Variants in NOMO1 observed in about 807,000 individuals in gnomAD.
The protein encoded by NOMO1 is NODAL modulator 1.
A neutral mutation model predicts 133.8 loss-of-function variants in NOMO1; 40 were observed. The ratio of observed to expected loss-of-function variants is 0.30; its 90% CI spans 0.23 to 0.39. NOMO1 has a LOEUF of 0.39. Among genes scored for constraint, NOMO1 ranks in the 10% least tolerant of loss-of-function variants. The pLI is 1.00. For synonymous variants in NOMO1, 236 were observed against 570.5 expected (o/e 0.41, Z 8.36); for missense variants, 462 against 1,419.9 (o/e 0.33, Z 10.84).
intron 23 of NOMO1, 78 bp downstream of exon 23, chr16:14,878,912 T>C: frequency 6.3e-7 from 1 of 1,590,056 alleles, no homozygotes; most frequent in Non-Finnish European, 8.6e-7. Context: ...ACTTACGTGT[T>C]GCTTGACAAC....
chr16:14,850,909 G>A (rs1417727005), intron 6 of NOMO1, among the ~76,000 whole-genome samples: 3 of 150,930 alleles, frequency 2.0e-5, no homozygotes, highest in Admixed American at 6.6e-5. Flanking sequence ...TGGTGAAACC[G>A]CATCTCTACT....
At chr16:14,874,112 CT>C (rs1597108181) in intron 18 of NOMO1, among the ~76,000 whole-genome samples, 3 of 148,744 alleles carry the variant, frequency 2.0e-5, no homozygotes, top group East Asian at 4.0e-4. Context: ...TCTGACCCCC[CT>C]CTGGGGTCAC....
chr16:14,864,538 A>G lies in NOMO1; in HGVS notation c.1396-47A>G, dbSNP rs1963963456. On this transcript the variant is annotated intron_variant, in intron 12 of 30. Coordinates refer to ENST00000287667, the MANE Select transcript of NOMO1 (RefSeq NM_014287.4). ...TCTAGCGCCCTGTAGGTCAGGGGGA[A>G]GATCTCCCCGAATGCAGCCTCTAAC... 17 of 1,611,808 alleles carry G rather than the reference A, an allele frequency of 1.1e-5. 1 individual carries two copies. Among genetic ancestry groups the G allele is most frequent in the Non-Finnish European group, 1.4e-5 (17 of 1,178,710 alleles).
chr16:14,866,672 T>C lies in NOMO1; in HGVS notation c.1787T>C (p.Leu596Pro). 6.2e-7 allele frequency: 1 copy of C among 1,610,198 alleles called. No individual in the cohort carries two copies. Among genetic ancestry groups the C allele is most frequent in the Non-Finnish European group, 8.5e-7 (1 of 1,179,718 alleles). Residue 596 changes from leucine (L) to proline (P), a missense_variant, in exon 15 of 31, where the codon CTG becomes CCG. Transcript: ENST00000287667. ...RQTGYMLRCS[L>P]SHAITLEFYQ... ...ACGGGCTACATGCTGAGATGTTCCC[T>C]GTCTCACGCCATCACTCTGGTATGT...
rs1246080800 is a variant in NOMO1, at chr16:14,866,465, T to C, written c.1670-90T>C. 1.9e-5 allele frequency: 31 copies of C among 1,607,758 alleles called. 1 individual carries two copies. Among genetic ancestry groups the C allele is most frequent in the Non-Finnish European group, 2.4e-5 (28 of 1,178,404 alleles). ...TACATACACACCTGCTTTTTAAAATTGATTAATTCATGATCATTGTTTCTG... is the reference window on the plus strand; with the variant it reads ...TACATACACACCTGCTTTTTAAAATCGATTAATTCATGATCATTGTTTCTG... On this transcript the variant is annotated intron_variant, in intron 14 of 30. Transcript: ENST00000287667.
At position 14,880,042 on chromosome 16, in the gene NOMO1, A is replaced by G; in HGVS notation, c.2785A>G (p.Met929Val). Residue 929 changes from methionine (M) to valine (V), a missense_variant, in exon 24 of 31, where the codon ATG (methionine) becomes GTG (valine). Met to Val is a conservative substitution (Grantham distance 21, BLOSUM62 1). Transcript: ENST00000287667. ...LSPGQYYFKP[M>V]MKEFRFEPSS... The stretch of plus-strand genomic sequence containing the variant: ...CCCTGGCCAGTATTACTTCAAACCC[A>G]TGATGAAGGAGTTCCGGTTTGAGCC... 1 of 1,611,334 alleles carries G rather than the reference A, an allele frequency of 6.2e-7. No homozygotes were observed. The highest frequency in any genetic ancestry group is 8.5e-7 in the Non-Finnish European group (1 of 1,179,774).
rs1673734782 is a variant in NOMO1, at chr16:14,890,722, AGG to A, written c.3444+1510_3444+1511del. Among the ~76,000 whole-genome samples the A allele has an allele frequency of 3.5e-5, 2 of 56,450 alleles. 1 individual carries two copies. The highest frequency in any genetic ancestry group is 8.0e-5 in the African/African-American group (2 of 25,090). The allele number at this position is 56,450 out of a possible 152,430, so 37.0% of individuals were successfully genotyped here. On this transcript the variant is annotated intron_variant, in intron 29 of 30. Coordinates refer to ENST00000287667, the MANE Select transcript of NOMO1 (RefSeq NM_014287.4). Reference sequence around the variant, plus strand: ...CTAGCTGTGTCCCCACAAGGCGGAAAGGGGCAAACAAGTTCCCTCAGGCCACT... The same window carrying A: ...CTAGCTGTGTCCCCACAAGGCGGAAAGGCAAACAAGTTCCCTCAGGCCACT...
At chr16:14,889,403 G>A (rs1372214068) in intron 29 of NOMO1, among the ~76,000 whole-genome samples, 188 bp downstream of exon 29, 1 of 151,988 alleles carries the variant, frequency 6.6e-6, no homozygotes, top group African/African-American at 2.4e-5. Flanking sequence ...GTGGTGGAAC[G>A]CACCTATAGT....
intron 2 of NOMO1, among the ~76,000 whole-genome samples, chr16:14,839,719 TAGCATAGATAG>T (rs2151892006): frequency 6.6e-6 from 1 of 151,676 alleles, no homozygotes; most frequent in East Asian, 1.9e-4. Flanking sequence ...CTTTCAACAT[TAGCATAGATAG>T]ATCTACTGAC....
chr16:14,845,708 G>A (rs973376100), intron 4 of NOMO1, among the ~76,000 whole-genome samples: 55 of 151,892 alleles, frequency 3.6e-4, no homozygotes, highest in Non-Finnish European at 6.5e-4. Flanking sequence ...TTGCGGTGAC[G>A]GGGAGGCCCT....
intron 27 of NOMO1, 89 bp downstream of exon 27, chr16:14,884,571 T>C: frequency 1.3e-6 from 2 of 1,596,174 alleles, no homozygotes; most frequent in East Asian, 2.2e-5. Context: ...TGTGCCTGTC[T>C]CGTGCCTTAG....
intron 23 of NOMO1, 136 bp from the exon 24 acceptor site, chr16:14,879,879 G>A: frequency 6.4e-7 from 1 of 1,573,880 alleles, no homozygotes. Flanking sequence ...ATTATAGAGA[G>A]AGGGTTACTA....
rs528026406 is a variant in NOMO1 at position 14,862,963 on chromosome 16, C to A, written c.1221-50C>A. On this transcript the variant is annotated intron_variant, in intron 11 of 30. Transcript: ENST00000287667. Reference sequence around the variant, plus strand: ...TCTTTTTTGGTCTATAAGAGCCTTTCCTGTTATAATTGAGTCCTCGTGCTG... The same window carrying A: ...TCTTTTTTGGTCTATAAGAGCCTTTACTGTTATAATTGAGTCCTCGTGCTG... 52 of 1,610,064 alleles carry A rather than the reference C, an allele frequency of 3.2e-5. 1 individual carries two copies. In the South Asian group the frequency reaches 5.5e-4, roughly 17 times the overall value.
rs760368024 is a variant in NOMO1, at chr16:14,864,637, C to G, written c.1448C>G (p.Thr483Arg). The G allele has an allele frequency of 1.2e-6, 2 of 1,613,206 alleles. No homozygotes were observed. The highest frequency in any genetic ancestry group is 2.2e-5 in the South Asian group (2 of 91,048). The change falls in exon 13 of 31, where the codon ACA becomes AGA. Residue 483 changes from threonine to arginine, a missense_variant. Transcript: ENST00000287667. ...GCAGGGCTGACGTTGAAACCCCAGACATTTCCTCTTACTGTGACCAACAGG... is the reference window on the plus strand; with the variant it reads ...GCAGGGCTGACGTTGAAACCCCAGAGATTTCCTCTTACTGTGACCAACAGG... ...TRAGLTLKPQ[T>R]FPLTVTNRPM...
rs1171568936 is a variant in NOMO1 at position 14,867,149 on chromosome 16, GATATATATAT to G, written c.1806+477_1806+486del. 3.1e-3 allele frequency among the ~76,000 whole-genome samples: 53 copies of G among 17,266 alleles called. 1 individual carries two copies. Among genetic ancestry groups the G allele is most frequent in the African/African-American group, 7.0e-3 (49 of 7,004 alleles). The allele number at this position is 17,266 out of a possible 152,430, so 11.3% of individuals were successfully genotyped here. ...TCTGTACTGCCAAGTGAGTTTCTCT[GATATATATAT>G]ATATATATATATATATATTTTTTTT... On this transcript the variant is annotated intron_variant, in intron 15 of 30. Coordinates refer to ENST00000287667, the MANE Select transcript of NOMO1 (RefSeq NM_014287.4).
chr16:14,893,602 C>A (rs1308098149), intron 29 of NOMO1, among the ~76,000 whole-genome samples: 1 of 151,930 alleles, frequency 6.6e-6, no homozygotes, highest in Non-Finnish European at 1.5e-5. Context: ...TGCCCTTATT[C>A]TTTCATTTAT....
intron 29 of NOMO1, among the ~76,000 whole-genome samples, chr16:14,893,674 G>A (rs1373919648): frequency 1.3e-5 from 2 of 151,466 alleles, no homozygotes; most frequent in African/African-American, 4.9e-5. Flanking sequence ...GTTCTCGGAT[G>A]GGTTGGTTGC....
chr16:14,879,194 A>T (rs1184775835), intron 23 of NOMO1, among the ~76,000 whole-genome samples: 9 of 151,814 alleles, frequency 5.9e-5, no homozygotes, highest in Non-Finnish European at 1.0e-4. Flanking sequence ...TTCTGAAAAG[A>T]CATTCCACTT....
intron 11 of NOMO1, 156 bp from the exon 12 acceptor site, chr16:14,862,857 A>G: frequency 1.3e-6 from 1 of 770,522 alleles, no homozygotes; most frequent in South Asian, 1.8e-5. Context: ...TGCTTTTTAA[A>G]ACCAGAATCA....
Sources: allele counts gnomAD v4.1 joint callset (sites outside exome capture counted in the v4.1 genomes callset), GRCh38; gene constraint gnomAD v4.1.1; transcripts MANE v1.5; gene names NCBI Gene and HGNC (gene_info 2026-07-23, HGNC 2026-07-21).